CSMD1: variants seen among roughly 807,000 people sequenced by gnomAD.
CSMD1 encodes CUB and sushi domain-containing protein 1.
A neutral mutation model predicts 417.5 loss-of-function variants in CSMD1; 213 were observed. That is an observed-to-expected ratio of 0.51 (90% CI 0.46 to 0.57). The LOEUF (loss-of-function observed/expected upper bound fraction) is 0.57, where lower values mean the gene tolerates loss of function less well. Among genes scored for constraint, CSMD1 ranks in the 20% least tolerant of loss-of-function variants. The probability of loss-of-function intolerance (pLI) is 0.00; values close to 1 mark genes in which losing one functional copy is unlikely to be tolerated. For missense variants in CSMD1, 6,923 were observed against 4,529.7 expected, an observed-to-expected ratio of 1.53 and a Z score of -15.17; for synonymous variants, 2,862 against 1,736.8, an observed-to-expected ratio of 1.65 and a Z score of -16.11.
intron 54 of CSMD1, among the ~76,000 whole-genome samples, chr8:2,982,142 G>A (rs771910425): frequency 6.6e-6 from 1 of 152,112 alleles, no homozygotes; most frequent in Non-Finnish European, 1.5e-5. Context: ...GATCATTTGA[G>A]GTCAAGAGTT....
chr8:4,755,336 T>C (rs1463437732), intron 1 of CSMD1, among the ~76,000 whole-genome samples: 1 of 152,220 alleles, frequency 6.6e-6, no homozygotes, highest in Non-Finnish European at 1.5e-5. Flanking sequence ...CTTTTCCTTT[T>C]GGGATATTAT....
intron 6 of CSMD1, among the ~76,000 whole-genome samples, chr8:3,747,898 T>C (rs561532439): frequency 6.6e-6 from 1 of 152,184 alleles, no homozygotes; most frequent in East Asian, 1.9e-4. Context: ...GTCCTCAGTG[T>C]GGCGAGCTCC....
At chr8:3,911,532 T>TAAAAAAA (rs1012148560) in intron 5 of CSMD1, among the ~76,000 whole-genome samples, 2 of 114,196 alleles carry the variant, frequency 1.8e-5, no homozygotes, top group Admixed American at 9.4e-5. Context: ...CGTCTCAAAA[T>TAAAAAAA]AAAAAAAAAA....
At chr8:3,767,536 T>C (rs1251060485) in intron 5 of CSMD1, among the ~76,000 whole-genome samples, 3 of 152,246 alleles carry the variant, frequency 2.0e-5, no homozygotes, top group Non-Finnish European at 4.4e-5. Flanking sequence ...GATCCTCACT[T>C]TATCCCATAA....
At chr8:4,118,879 G>A (rs1585353163) in intron 3 of CSMD1, among the ~76,000 whole-genome samples, 1 of 152,116 alleles carries the variant, frequency 6.6e-6, no homozygotes, top group South Asian at 2.1e-4. Context: ...AAAGAAATGT[G>A]GCACATATAC....
At chr8:3,329,330 C>G (rs1371019619) in intron 23 of CSMD1, among the ~76,000 whole-genome samples, 1 of 152,104 alleles carries the variant, frequency 6.6e-6, no homozygotes, top group Non-Finnish European at 1.5e-5. Flanking sequence ...CAGGCTTCAT[C>G]ATGACCCATT....
chr8:3,443,429 T>C (rs1268262160), intron 12 of CSMD1, among the ~76,000 whole-genome samples: 1 of 152,188 alleles, frequency 6.6e-6, no homozygotes, highest in East Asian at 1.9e-4. Context: ...ACATTACTGC[T>C]TACCCAATTT....
Position 3,931,186 on chromosome 8 carries a change from T to C in CSMD1, c.818+66717A>G, listed in dbSNP as rs76209846. ...CATCTTTTAAAGCATCTTCCCCTCA[T>C]ATCCATTTAGGAAGACACTAAATAA... On this transcript the variant is annotated intron_variant, in intron 5 of 69. Transcript: ENST00000635120. Among the ~76,000 whole-genome samples the C allele has an allele frequency of 4.1e-3, 623 of 150,854 alleles. 36 individuals are homozygous for C. Among genetic ancestry groups the C allele is most frequent in the African/African-American group, 0.015 (607 of 41,020 alleles).
chr8:4,791,837 A>C (rs2117236915), intron 1 of CSMD1, among the ~76,000 whole-genome samples: 1 of 152,144 alleles, frequency 6.6e-6, no homozygotes, highest in Middle Eastern at 3.4e-3. Context: ...CAAAATTCCA[A>C]CAGATATACT....
intron 1 of CSMD1, among the ~76,000 whole-genome samples, chr8:4,859,713 C>G (rs1187117439): frequency 1.3e-5 from 2 of 151,922 alleles, no homozygotes; most frequent in Non-Finnish European, 2.9e-5. Context: ...CAATGAGATA[C>G]CATCTCACAC....
At chr8:3,340,568 C>G (rs993686251) in intron 23 of CSMD1, among the ~76,000 whole-genome samples, 3 of 152,176 alleles carry the variant, frequency 2.0e-5, no homozygotes, top group Admixed American at 6.5e-5. Context: ...TTTACACAGT[C>G]TTAAGCATAA....
intron 5 of CSMD1, among the ~76,000 whole-genome samples, chr8:3,824,523 G>C (rs375517552): frequency 6.6e-6 from 1 of 152,186 alleles, no homozygotes; most frequent in Non-Finnish European, 1.5e-5. Flanking sequence ...CACACTTAAA[G>C]CGTGATGAGT....
chr8:3,752,675 G>GGAA (rs1457740504), intron 6 of CSMD1, among the ~76,000 whole-genome samples: 1 of 31,806 alleles, frequency 3.1e-5, no homozygotes, highest in Non-Finnish European at 5.2e-5. Flanking sequence ...TCCCCGCCTG[G>GGAA]CAAAAAAAAA....
chr8:3,973,389 C>A (rs1178491324), intron 5 of CSMD1, among the ~76,000 whole-genome samples: 1 of 152,192 alleles, frequency 6.6e-6, no homozygotes, highest in African/African-American at 2.4e-5. Flanking sequence ...TATTCACCTA[C>A]TGTTGTCACC....
rs891500321 is a variant in CSMD1, at chr8:4,079,283, T to G, written c.416-47184A>C. ...TAAAGTATAGGAGTTTATCAAGTAC[T>G]GTACCATGAGCAGATAAACAAATTG... On this transcript the variant is annotated intron_variant, in intron 3 of 69. Transcript: ENST00000635120. Among the ~76,000 whole-genome samples the G allele has an allele frequency of 2.6e-5, 4 of 152,336 alleles. No individual in the cohort carries two copies. In the East Asian group the frequency reaches 7.7e-4, roughly 29 times the overall value.
intron 22 of CSMD1, 130 bp from the exon 23 acceptor site, chr8:3,343,580 A>G: frequency 2.6e-6 from 2 of 765,168 alleles, no homozygotes; most frequent in South Asian, 4.7e-5. Flanking sequence ...TAGTTTACAG[A>G]AAGATAAATG....
intron 8 of CSMD1, 141 bp downstream of exon 8, chr8:3,616,569 T>C: frequency 1.6e-5 from 10 of 608,912 alleles, no homozygotes; most frequent in South Asian, 1.5e-4. Context: ...AGACAAATTG[T>C]GATTACACAC....
At chr8:2,973,705 G>A (rs1360641576) in intron 56 of CSMD1, among the ~76,000 whole-genome samples, 1 of 151,722 alleles carries the variant, frequency 6.6e-6, no homozygotes, top group Non-Finnish European at 1.5e-5. Context: ...TAGCTCTTCA[G>A]AATTGTGTCC....
At chr8:4,645,444 C>CAGAAAAAA (rs1803458408) in intron 1 of CSMD1, among the ~76,000 whole-genome samples, 1 of 36,850 alleles carries the variant, frequency 2.7e-5, no homozygotes, top group Non-Finnish European at 4.7e-5. Flanking sequence ...AGTGCAGGGG[C>CAGAAAAAA]AAAAAAAAAA....
Sources: gnomAD v4.1 joint callset for allele counts (sites outside exome capture counted in the v4.1 genomes callset) on GRCh38, gnomAD v4.1.1 for gene constraint, MANE v1.5 for transcripts, NCBI Gene and HGNC (gene_info 2026-07-23, HGNC 2026-07-21) for gene names.